The following SOX6 variants were observed in gnomAD, a reference collection of about 807,000 sequenced individuals.
The protein encoded by SOX6 is transcription factor SOX-6.
In SOX6, 11 loss-of-function variants were observed where a neutral mutation model predicts 97.8. That is an observed-to-expected ratio of 0.11 (90% confidence interval 0.07 to 0.19). SOX6 has a LOEUF of 0.19. Among genes scored for constraint, SOX6 ranks in the 10% least tolerant of loss-of-function variants. The pLI is 1.00. For missense variants in SOX6, 810 were observed against 1,039.5 expected (o/e 0.78, Z 3.04); for synonymous variants, 360 against 371.4 (o/e 0.97, Z 0.35).
intron 4 of SOX6, among the ~76,000 whole-genome samples, chr11:16,495,838 C>T (rs557245360): frequency 6.6e-6 from 1 of 152,284 alleles, no homozygotes; most frequent in South Asian, 2.1e-4. Flanking sequence ...CAAGAACAGG[C>T]ATGCTTAGCC....
At chr11:16,427,838 T>C (rs796363095) in intron 1 of SOX6, among the ~76,000 whole-genome samples, 1 of 152,208 alleles carries the variant, frequency 6.6e-6, no homozygotes, top group African/African-American at 2.4e-5. Flanking sequence ...CCTTTGGGTA[T>C]ATACCCAGTA....
chr11:15,972,940 C>T lies in SOX6; in HGVS notation c.2356G>A (p.Gly786Ser). ...ATTTCATTTCCAGCTAGGCTTCCGC[C>T]ATCTGTCTTCATACCATAAGTGCTC... ...IQSTYGMKTDGGSLAGNEMIN... is the reference protein window; with the variant it reads ...IQSTYGMKTDSGSLAGNEMIN... Residue 786 changes from glycine (G) to serine (S), a missense_variant, in exon 16 of 16, where the codon GGC becomes AGC. By Grantham distance (56) the Gly-to-Ser change is moderately conservative. Transcript: ENST00000683767. The T allele has an allele frequency of 6.2e-7, 1 of 1,614,218 alleles. No homozygotes were observed. The highest frequency in any genetic ancestry group is 8.5e-7 in the Non-Finnish European group (1 of 1,180,030).
chr11:16,327,663 A>G, intron 2 of SOX6, among the ~76,000 whole-genome samples: 1 of 152,248 alleles, frequency 6.6e-6, no homozygotes, highest in East Asian at 1.9e-4. Flanking sequence ...ATTGCCGACC[A>G]TACCTAGACA....
chr11:16,399,117 T>G (rs1858468051), intron 1 of SOX6, among the ~76,000 whole-genome samples: 2 of 151,334 alleles, frequency 1.3e-5, no homozygotes, highest in Non-Finnish European at 3.0e-5. Context: ...TTAACTTTTC[T>G]GTGCTTCAGT....
At chr11:16,177,551 G>T (rs1378234821) in intron 6 of SOX6, among the ~76,000 whole-genome samples, 1 of 150,582 alleles carries the variant, frequency 6.6e-6, no homozygotes, top group African/African-American at 2.4e-5. Flanking sequence ...ACCATGTAAA[G>T]GAAAACATTA....
In SOX6 at chr11:16,254,092, GA is replaced by G. The variant is rs150489572; in HGVS notation, c.446-19422del. ...TATGGAGTGAAATATTTAAAGTGAT[GA>G]AAAAAAAAACACTTAGCATTTTGTA... On this transcript the variant is annotated intron_variant, in intron 3 of 15. Coordinates refer to ENST00000683767, the MANE Select transcript of SOX6 (RefSeq NM_001367873.1). Among the ~76,000 whole-genome samples the G allele has an allele frequency of 2.0e-3, 294 of 146,032 alleles. 7 individuals are homozygous for G. In the East Asian group the frequency reaches 0.052, roughly 26 times the overall value.
intron 4 of SOX6, among the ~76,000 whole-genome samples, chr11:16,602,953 G>A (rs1447606821): frequency 3.9e-5 from 6 of 152,108 alleles, no homozygotes; most frequent in East Asian, 3.9e-4. Flanking sequence ...CCCAGGAGGC[G>A]GAGGTTACAG....
At chr11:16,681,102 A>T (rs1847923914) in intron 3 of SOX6, among the ~76,000 whole-genome samples, 1 of 152,232 alleles carries the variant, frequency 6.6e-6, no homozygotes, top group Middle Eastern at 3.2e-3. Context: ...CTCTGGACCA[A>T]GCAGACCTAA....
chr11:16,648,075 C>T (rs775972636), intron 3 of SOX6, among the ~76,000 whole-genome samples: 81 of 152,090 alleles, frequency 5.3e-4, no homozygotes, highest in Admixed American at 5.2e-4. Context: ...AGTGTAGGAG[C>T]TGCTGCAGAC....
intron 1 of SOX6, among the ~76,000 whole-genome samples, chr11:16,375,145 TC>T (rs1436678853): frequency 6.6e-6 from 1 of 152,118 alleles, no homozygotes; most frequent in East Asian, 1.9e-4. Flanking sequence ...AAAAGAAGCC[TC>T]AGAAGTTTAC....
At chr11:16,648,135 A>C (rs1335237513) in intron 3 of SOX6, among the ~76,000 whole-genome samples, 1 of 152,142 alleles carries the variant, frequency 6.6e-6, no homozygotes, top group African/African-American at 2.4e-5. Flanking sequence ...GTTGTTTCTT[A>C]GCAGGGTAGC....
At chr11:16,132,482 AAG>A (rs1590217024) in intron 6 of SOX6, among the ~76,000 whole-genome samples, 1 of 148,770 alleles carries the variant, frequency 6.7e-6, no homozygotes, top group African/African-American at 2.5e-5. Context: ...GAAAGAAAGA[AAG>A]AAAGAAAGAA....
intron 3 of SOX6, among the ~76,000 whole-genome samples, chr11:16,304,157 C>A (rs1855347589): frequency 6.6e-6 from 1 of 152,122 alleles, no homozygotes; most frequent in Non-Finnish European, 1.5e-5. Flanking sequence ...CTCAGATGAT[C>A]CACCCTCTTC....
intron 1 of SOX6, among the ~76,000 whole-genome samples, chr11:16,475,608 A>G (rs766607853): frequency 4.6e-5 from 7 of 152,166 alleles, no homozygotes; most frequent in Non-Finnish European, 1.0e-4. Context: ...CCCCATAATA[A>G]TTACAATAGT....
chr11:16,270,654 A>AACACACACACAC (rs57034455), intron 3 of SOX6, among the ~76,000 whole-genome samples: 29 of 149,396 alleles, frequency 1.9e-4, no homozygotes, highest in South Asian at 6.3e-4. Flanking sequence ...CACACACACA[A>AACACACACACAC]ACACACACAC....
intron 4 of SOX6, among the ~76,000 whole-genome samples, chr11:16,208,539 A>G (rs1056941035): frequency 1.3e-5 from 2 of 152,244 alleles, no homozygotes; most frequent in Admixed American, 6.5e-5. Context: ...ACTTGAAAAA[A>G]TGACTGACAG....
intron 9 of SOX6, 55 bp downstream of exon 9, chr11:16,095,941 A>G (rs2133973762): frequency 6.5e-7 from 1 of 1,541,912 alleles, no homozygotes. Context: ...AGCCTAGAGT[A>G]TGACTGAACA....
intron 1 of SOX6, among the ~76,000 whole-genome samples, chr11:16,462,918 C>G (rs1859959812): frequency 6.6e-6 from 1 of 152,068 alleles, no homozygotes. Flanking sequence ...AAATCAAGAC[C>G]CTGGAATCTG....
At chr11:16,150,405 G>A (rs1394129428) in intron 6 of SOX6, among the ~76,000 whole-genome samples, 1 of 152,106 alleles carries the variant, frequency 6.6e-6, no homozygotes, top group African/African-American at 2.4e-5. Context: ...ACTTTGGGAT[G>A]GGACGGTCAT....
Sources: gnomAD v4.1 joint callset for allele counts (sites outside exome capture counted in the v4.1 genomes callset) on GRCh38, gnomAD v4.1.1 for gene constraint, MANE v1.5 for transcripts, NCBI Gene and HGNC (gene_info 2026-07-23, HGNC 2026-07-21) for gene names.